TENM4: variants seen among roughly 807,000 people sequenced by gnomAD.
TENM4 encodes the protein teneurin-4.
A neutral mutation model predicts 243.3 loss-of-function variants in TENM4; 82 were observed. That is an observed-to-expected ratio of 0.34 (90% CI 0.28 to 0.40). The LOEUF is 0.40. Among genes scored for constraint, TENM4 ranks in the 10% least tolerant of loss-of-function variants. The pLI, the probability that TENM4 is intolerant of heterozygous loss-of-function variation, is 1.00. For missense variants in TENM4, 3,138 were observed against 3,673.3 expected (o/e 0.85, Z 3.77); for synonymous variants, 1,412 against 1,456.3 (o/e 0.97, Z 0.69).
chr11:78,800,254 G>C (rs1857253310), intron 15 of TENM4, among the ~76,000 whole-genome samples: 1 of 152,206 alleles, frequency 6.6e-6, no homozygotes, highest in African/African-American at 2.4e-5. Flanking sequence ...GTGCTGCTGA[G>C]TGTACCCACT....
intron 2 of TENM4, among the ~76,000 whole-genome samples, chr11:79,220,157 A>C (rs1864129944): frequency 1.3e-5 from 2 of 152,268 alleles, no homozygotes; most frequent in African/African-American, 4.8e-5. Flanking sequence ...AAGGCAGCCC[A>C]GAGGGCTCCT....
chr11:79,413,534 C>T (rs985531058), intron 1 of TENM4, among the ~76,000 whole-genome samples: 7 of 152,230 alleles, frequency 4.6e-5, no homozygotes, highest in Non-Finnish European at 7.3e-5. Flanking sequence ...TCACGGCCAG[C>T]CCCTAACAGC....
At chr11:79,187,251 G>T (rs1454719426) in intron 3 of TENM4, among the ~76,000 whole-genome samples, 1 of 152,178 alleles carries the variant, frequency 6.6e-6, no homozygotes, top group African/African-American at 2.4e-5. Context: ...TTCCACTGGG[G>T]ATAAAGGGAA....
intron 6 of TENM4, among the ~76,000 whole-genome samples, chr11:78,976,411 G>A (rs1231687008): frequency 1.3e-5 from 2 of 151,692 alleles, no homozygotes; most frequent in Non-Finnish European, 2.9e-5. Context: ...TCAATAAAAA[G>A]TTTAAAAAAA....
At position 79,099,915 on chromosome 11, in the gene TENM4, TCATG is replaced by T. The variant is rs761703332; in HGVS notation, c.-65-29910_-65-29907del. Among the ~76,000 whole-genome samples the T allele has an allele frequency of 2.1e-3, 326 of 152,226 alleles. 3 individuals are homozygous for T. The highest frequency in any genetic ancestry group is 2.1e-3 in the Non-Finnish European group (141 of 68,050). On this transcript the variant is annotated intron_variant, in intron 4 of 33. Coordinates refer to ENST00000278550, the MANE Select transcript of TENM4 (RefSeq NM_001098816.3). The stretch of plus-strand genomic sequence containing the variant: ...TAACAGCTGTGGAGCTTTTTGTTTC[TCATG>T]CATTTGTGCAGCCATTTGCTGCCCC...
At chr11:79,401,363 G>A (rs1353535473) in intron 1 of TENM4, among the ~76,000 whole-genome samples, 1 of 152,222 alleles carries the variant, frequency 6.6e-6, no homozygotes, top group Non-Finnish European at 1.5e-5. Flanking sequence ...TTCCCCAACA[G>A]GGTAAGCACA....
intron 2 of TENM4, among the ~76,000 whole-genome samples, chr11:79,271,257 C>T (rs1590841374): frequency 6.6e-6 from 1 of 152,136 alleles, no homozygotes; most frequent in Non-Finnish European, 1.5e-5. Context: ...AAAGCTTCTT[C>T]CCCAAAGGGT....
chr11:79,323,463 C>T (rs1472651478), intron 1 of TENM4, among the ~76,000 whole-genome samples: 1 of 152,206 alleles, frequency 6.6e-6, no homozygotes, highest in Non-Finnish European at 1.5e-5. Context: ...CAAACTGGGC[C>T]TTTCCCAGAC....
intron 3 of TENM4, among the ~76,000 whole-genome samples, chr11:79,179,058 C>T (rs920058779): frequency 6.6e-6 from 1 of 152,174 alleles, no homozygotes; most frequent in Non-Finnish European, 1.5e-5. Flanking sequence ...ACGTCAGTAC[C>T]TTTAATTGCC....
At chr11:78,850,517 C>T (rs1858511058) in intron 12 of TENM4, among the ~76,000 whole-genome samples, 1 of 152,158 alleles carries the variant, frequency 6.6e-6, no homozygotes, top group South Asian at 2.1e-4. Context: ...ACTCATAGCT[C>T]ACAAGTAATG....
chr11:79,124,349 G>A (rs1392407307), intron 4 of TENM4, among the ~76,000 whole-genome samples: 1 of 152,082 alleles, frequency 6.6e-6, no homozygotes, highest in Non-Finnish European at 1.5e-5. Flanking sequence ...ATATGGATTG[G>A]CAAAATCTAA....
chr11:79,117,915 G>T (rs560467047), intron 4 of TENM4, among the ~76,000 whole-genome samples: 1 of 151,982 alleles, frequency 6.6e-6, no homozygotes, highest in Admixed American at 6.6e-5. Context: ...ACATACCTGC[G>T]CAGGGAACAC....
At chr11:78,941,991 C>G (rs1357304855) in intron 6 of TENM4, among the ~76,000 whole-genome samples, 1 of 151,604 alleles carries the variant, frequency 6.6e-6, no homozygotes, top group Non-Finnish European at 1.5e-5. Flanking sequence ...GGGCTCACTG[C>G]TGGCTTTCCT....
intron 3 of TENM4, among the ~76,000 whole-genome samples, chr11:79,206,243 A>G (rs1178673997): frequency 6.6e-6 from 1 of 152,180 alleles, no homozygotes; most frequent in Admixed American, 6.5e-5. Flanking sequence ...GCAGAAGAAA[A>G]AGCCAAGGGG....
intron 2 of TENM4, among the ~76,000 whole-genome samples, chr11:79,227,500 A>C (rs1864294283): frequency 6.6e-6 from 1 of 152,190 alleles, no homozygotes; most frequent in African/African-American, 2.4e-5. Context: ...GTGAATATGC[A>C]AAGACTCTCA....
intron 2 of TENM4, among the ~76,000 whole-genome samples, chr11:79,250,697 A>G (rs1173087980): frequency 6.6e-6 from 1 of 152,264 alleles, no homozygotes; most frequent in African/African-American, 2.4e-5. Flanking sequence ...AATGGCATTT[A>G]TAATCATCCC....
Position 78,910,562 on chromosome 11 carries a change from A to G in TENM4, c.494-7039T>C, listed in dbSNP as rs1033290632. Among the ~76,000 whole-genome samples, 9 of 152,354 alleles carry G rather than the reference A, an allele frequency of 5.9e-5. No individual in the cohort carries two copies. The East Asian group carries it at 1.7e-3, about 29-fold the overall frequency. ...AGTTCTGCCTCCTTCAAGCTGTAGAATCTCAAGCACTTTATTTAACCTGAG... is the reference window on the plus strand; with the variant it reads ...AGTTCTGCCTCCTTCAAGCTGTAGAGTCTCAAGCACTTTATTTAACCTGAG... On this transcript the variant is annotated intron_variant, in intron 6 of 33. Coordinates refer to ENST00000278550, the MANE Select transcript of TENM4 (RefSeq NM_001098816.3).
intron 3 of TENM4, 52 bp downstream of exon 3, chr11:79,215,756 G>T (rs1864040554): frequency 2.3e-5 from 23 of 985,644 alleles, no homozygotes; most frequent in Non-Finnish European, 2.8e-5. Context: ...TCTCATCAAG[G>T]CCACAAATTT....
At chr11:78,981,710 A>C (rs1213911863) in intron 6 of TENM4, among the ~76,000 whole-genome samples, 1 of 152,230 alleles carries the variant, frequency 6.6e-6, no homozygotes, top group Non-Finnish European at 1.5e-5. Flanking sequence ...TAAATGAGAT[A>C]ATAAATGTTG....
Sources: gnomAD v4.1 joint callset for allele counts (sites outside exome capture counted in the v4.1 genomes callset) on GRCh38, gnomAD v4.1.1 for gene constraint, MANE v1.5 for transcripts, NCBI Gene and HGNC (gene_info 2026-07-23, HGNC 2026-07-21) for gene names.